CCDC57: variants seen among roughly 807,000 people sequenced by gnomAD.
CCDC57 encodes the protein coiled-coil domain containing 57.
Under a neutral mutation model 118.9 loss-of-function variants are expected in CCDC57, and 118 were observed. The ratio of observed to expected loss-of-function variants is 0.99; its 90% CI spans 0.86 to 1.16. The LOEUF is 1.16. CCDC57 is among the 50% of genes most tolerant of loss of function. CCDC57 has a pLI of 0.00. For missense variants in CCDC57, 1,300 were observed against 1,320.7 expected (o/e 0.98, Z 0.24); for synonymous variants, 527 against 532.9 (o/e 0.99, Z 0.15).
chr17:82,211,871 AC>A (rs2050197031), intron 1 of CCDC57, among the ~76,000 whole-genome samples: 1 of 152,152 alleles, frequency 6.6e-6, no homozygotes, highest in Non-Finnish European at 1.5e-5. Flanking sequence ...GGTTGATGGT[AC>A]CCAAAGCCCC....
At chr17:82,127,501 T>C (rs2037646746) in intron 19 of CCDC57, 191 bp downstream of exon 18, 9 of 985,482 alleles carry the variant, frequency 9.1e-6, no homozygotes, top group Non-Finnish European at 1.1e-5. Flanking sequence ...TTCAGGGCTT[T>C]GCACCATAAC....
At chr17:82,195,906 C>T (rs2048244899) in intron 4 of CCDC57, among the ~76,000 whole-genome samples, 1 of 152,192 alleles carries the variant, frequency 6.6e-6, no homozygotes, top group South Asian at 2.1e-4. Context: ...GTAACCAAAG[C>T]TGCCACGTTA....
chr17:82,141,140 A>G (rs1001707590), intron 16 of CCDC57, among the ~76,000 whole-genome samples: 3 of 149,612 alleles, frequency 2.0e-5, no homozygotes, highest in Admixed American at 2.0e-4. Context: ...CCTCTTGAGT[A>G]GCTGGGATGA....
intron 19 of CCDC57, among the ~76,000 whole-genome samples, chr17:82,106,891 C>T (rs531094452): frequency 6.6e-6 from 1 of 152,194 alleles, no homozygotes; most frequent in Non-Finnish European, 1.5e-5. Context: ...CCAGGTCTGC[C>T]AGGCCAGCTT....
chr17:82,138,985 G>T (rs2039666546), intron 16 of CCDC57, among the ~76,000 whole-genome samples: 1 of 152,124 alleles, frequency 6.6e-6, no homozygotes, highest in African/African-American at 2.4e-5. Context: ...ACTCACTCTG[G>T]GGCTGTGTTA....
intron 17 of CCDC57, among the ~76,000 whole-genome samples, chr17:82,128,974 A>G (rs1417701131): frequency 6.6e-6 from 1 of 151,600 alleles, no homozygotes; most frequent in Non-Finnish European, 1.5e-5. Context: ...GCTGGAGTAC[A>G]GTGGCGTGAT....
intron 8 of CCDC57, 44 bp downstream of exon 7, chr17:82,188,175 C>A: frequency 6.7e-7 from 1 of 1,485,948 alleles, no homozygotes; most frequent in Non-Finnish European, 9.0e-7. Context: ...CAGCCACGGC[C>A]GTCCCTGCCC....
At position 82,202,264 on chromosome 17, in the gene CCDC57, C is replaced by T. The variant is rs148209647; in HGVS notation, c.-8-312G>A. The stretch of plus-strand genomic sequence containing the variant: ...GATGGATCACTTGAGGTCAGGAGAT[C>T]GAGACCAGCCTGGCTAACATGGTGA... On this transcript the variant is annotated intron_variant, in intron 2 of 19. Transcript: ENST00000665763. Among the ~76,000 whole-genome samples the T allele has an allele frequency of 5.0e-3, 759 of 151,922 alleles. 6 individuals carry two copies. The highest frequency in any genetic ancestry group is 0.017 in the African/African-American group (717 of 41,440).
At chr17:82,117,416 G>A (rs2036061302) in intron 19 of CCDC57, among the ~76,000 whole-genome samples, 1 of 148,156 alleles carries the variant, frequency 6.7e-6, no homozygotes, top group South Asian at 2.2e-4. Context: ...CAAGGTGGGA[G>A]GACTGTTTGA....
intron 19 of CCDC57, among the ~76,000 whole-genome samples, chr17:82,117,225 C>T (rs1242356741): frequency 1.3e-5 from 2 of 151,446 alleles, no homozygotes; most frequent in African/African-American, 4.9e-5. Flanking sequence ...TGGTGGCGCA[C>T]GCCATAACCC....
intron 19 of CCDC57, among the ~76,000 whole-genome samples, chr17:82,114,720 T>C (rs1407128463): frequency 6.6e-6 from 1 of 152,186 alleles, no homozygotes; most frequent in Non-Finnish European, 1.5e-5. Flanking sequence ...CCCCCAGGCG[T>C]GGTCCCACTG....
intron 16 of CCDC57, among the ~76,000 whole-genome samples, chr17:82,151,152 TAGAACCAGGCGCACACCC>T (rs1202444252): frequency 1.7e-4 from 7 of 40,026 alleles, no homozygotes; most frequent in South Asian, 1.2e-3. Context: ...GACCCGCACC[TAGAACCAGGCGCACACCC>T]AGAACCAGGC....
At chr17:82,128,131 T>C (rs150007924) in intron 18 of CCDC57, among the ~76,000 whole-genome samples, 1 of 152,208 alleles carries the variant, frequency 6.6e-6, no homozygotes, top group Non-Finnish European at 1.5e-5. Context: ...AGGGCCTGAA[T>C]CTCAGTGCTC....
intron 17 of CCDC57, among the ~76,000 whole-genome samples, chr17:82,128,974 A>T (rs1417701131): frequency 1.3e-5 from 2 of 151,600 alleles, no homozygotes; most frequent in Non-Finnish European, 2.9e-5. Context: ...GCTGGAGTAC[A>T]GTGGCGTGAT....
Position 82,172,501 on chromosome 17 carries a change from T to C in CCDC57, c.1729+137A>G. ...AAAAGCAGTTTTCATACTTTGAGTT[T>C]ATTACAGGGGATGTTAACTTATAGG... On this transcript the variant is annotated intron_variant, in intron 12 of 19. Coordinates refer to ENST00000665763, the Ensembl canonical transcript of CCDC57. The surrounding 1 kb of genome is among the most constrained non-coding windows in gnomAD (Gnocchi z 5.2). 1 of 700,770 alleles carries C rather than the reference T, an allele frequency of 1.4e-6. No individual in the cohort carries two copies. Among genetic ancestry groups the C allele is most frequent in the Non-Finnish European group, 2.4e-6 (1 of 411,614 alleles). 43.4% of individuals were successfully genotyped at this position (700,770 alleles called of 1,614,324 possible).
At chr17:82,206,982 C>T (rs1212908882) in intron 2 of CCDC57, among the ~76,000 whole-genome samples, 1 of 152,164 alleles carries the variant, frequency 6.6e-6, no homozygotes, top group Non-Finnish European at 1.5e-5. Flanking sequence ...TTTCCCGAAA[C>T]AAACCCCCTT....
chr17:82,205,202 T>C (rs1347497196), intron 2 of CCDC57, among the ~76,000 whole-genome samples: 1 of 152,228 alleles, frequency 6.6e-6, no homozygotes, highest in African/African-American at 2.4e-5. Flanking sequence ...CTCAGAACCC[T>C]TCACACAGTG....
chr17:82,184,023 GCGCGCGCGCACACACACACACACA>G lies in CCDC57; in HGVS notation c.1053-115_1053-92del, dbSNP rs2046568780. 1.3e-5 allele frequency: 5 copies of G among 384,012 alleles called. No individual in the cohort carries two copies. The Admixed American group carries it at 2.0e-4, about 15-fold the overall frequency. 23.8% of individuals were successfully genotyped at this position (384,012 alleles called of 1,614,324 possible). ...CCCCCCAGCAAATACACATGCGCGC[GCGCGCGCGCACACACACACACACA>G]CACACACACACACACACACACACAC... On this transcript the variant is annotated intron_variant, in intron 8 of 19. Coordinates refer to ENST00000665763, the Ensembl canonical transcript of CCDC57.
chr17:82,200,215 G>A (rs1949847280), intron 3 of CCDC57, among the ~76,000 whole-genome samples: 1 of 152,166 alleles, frequency 6.6e-6, no homozygotes, highest in African/African-American at 2.4e-5. Flanking sequence ...GAGCAAACCG[G>A]CCCAACACAC....
Sources: allele counts gnomAD v4.1 joint callset (sites outside exome capture counted in the v4.1 genomes callset), GRCh38; gene constraint gnomAD v4.1.1; non-coding constraint Gnocchi (gnomAD v3.1); transcripts MANE v1.5; gene names NCBI Gene and HGNC (gene_info 2026-07-23, HGNC 2026-07-21).